Variants in ADCYAP1 observed in about 807,000 individuals in gnomAD.
ADCYAP1 encodes the protein adenylate cyclase activating polypeptide 1.
ADCYAP1 carries 6 observed loss-of-function variants against 18.5 expected under a neutral mutation model. That is an observed-to-expected ratio of 0.32 (90% CI 0.18 to 0.64). ADCYAP1 has a LOEUF of 0.64. Ranked by LOEUF, ADCYAP1 falls within the 30% of genes least tolerant of loss-of-function variation. The probability of loss-of-function intolerance (pLI) is 0.77; values close to 1 mark genes in which losing one functional copy is unlikely to be tolerated. For synonymous variants in ADCYAP1, 136 were observed against 113.9 expected (o/e 1.19, Z -1.24); for missense variants, 314 against 253.6 (o/e 1.24, Z -1.62).
At chr18:905,652 C>T (rs1216373355) in intron 2 of ADCYAP1, 156 bp downstream of exon 2, 3 of 908,916 alleles carry the variant, frequency 3.3e-6, no homozygotes, top group African/African-American at 1.7e-5. Flanking sequence ...GACAGCGGGT[C>T]CCCATTCTAG....
Position 908,383 on chromosome 18 carries a change from T to G in ADCYAP1, c.341+20T>G, listed in dbSNP as rs545768800. On this transcript the variant is annotated intron_variant, in intron 4 of 4. Coordinates refer to ENST00000450565, the MANE Select transcript of ADCYAP1 (RefSeq NM_001099733.2). ...CGTGGGGTAAGAGTTTGTGGAAGGA[T>G]TAACCTGCGCGCGCCGGGGTGGGTG... 223 of 1,601,220 alleles carry G rather than the reference T, an allele frequency of 1.4e-4. 1 individual carries two copies. The East Asian group carries it at 4.7e-3, about 34-fold the overall frequency.
At chr18:908,396 G>A (rs113464270) in intron 4 of ADCYAP1, 33 bp downstream of exon 4, 1 of 1,582,650 alleles carries the variant, frequency 6.3e-7, no homozygotes, top group Non-Finnish European at 8.6e-7. Flanking sequence ...ACCTGCGCGC[G>A]CCGGGGTGGG....
intron 2 of ADCYAP1, chr18:906,518 T>TCG (rs1474501511): frequency 6.6e-6 from 1 of 152,392 alleles, no homozygotes; most frequent in Non-Finnish European, 1.5e-5. Context: ...GCATCTGGGC[T>TCG]CGAGGCAGGG....
At chr18:905,328 A>G in intron 1 of ADCYAP1, 58 bp from the exon 2 acceptor site, 1 of 1,585,282 alleles carries the variant, frequency 6.3e-7, no homozygotes, top group Non-Finnish European at 8.6e-7. Flanking sequence ...TTGGGGTTGG[A>G]GGGTGGGAGG....
In ADCYAP1 at chr18:908,252, G is replaced by A. The variant is rs748429062; in HGVS notation, c.243-13G>A. 1 of 1,607,306 alleles carries A rather than the reference G, an allele frequency of 6.2e-7. No homozygotes were observed. The highest frequency in any genetic ancestry group is 8.5e-7 in the Non-Finnish European group (1 of 1,175,900). ...AACAGTGACCCTGGGCGCGCACTTT[G>A]CCTCCCCGTTAGAGATGTCGCCCAC... On this transcript the variant is annotated splice_polypyrimidine_tract_variant and intron_variant, in intron 3 of 4. Coordinates refer to ENST00000450565, the MANE Select transcript of ADCYAP1 (RefSeq NM_001099733.2).
Position 909,436 on chromosome 18 carries a change from T to A in ADCYAP1, c.342-10T>A. On this transcript the variant is annotated splice_polypyrimidine_tract_variant and intron_variant, in intron 4 of 4. Coordinates refer to ENST00000450565, the MANE Select transcript of ADCYAP1 (RefSeq NM_001099733.2). ...CCCCGCCACCCTCTTCCCGACCCCT[T>A]TGCTTGCAGTGGGAGCCTCGGCGGC... is the stretch of plus-strand genomic sequence containing the variant. 2 of 1,608,918 alleles carry A rather than the reference T, an allele frequency of 1.2e-6. No homozygotes were observed. The highest frequency in any genetic ancestry group is 1.1e-5 in the South Asian group (1 of 90,732).
At chr18:905,569 C>T (rs1248892989) in intron 2 of ADCYAP1, 73 bp downstream of exon 2, 4 of 1,546,482 alleles carry the variant, frequency 2.6e-6, no homozygotes. Context: ...CGGTCTCCTT[C>T]CTGCAGTCCT....
chr18:908,205 C>T, intron 3 of ADCYAP1, 60 bp from the exon 4 acceptor site: 1 of 1,489,372 alleles, frequency 6.7e-7, no homozygotes, highest in Non-Finnish European at 9.2e-7. Context: ...AAGGGGGTCT[C>T]TAGCGGCCAC....
intron 4 of ADCYAP1, 133 bp from the exon 5 acceptor site, chr18:909,313 C>T: frequency 2.4e-6 from 2 of 825,628 alleles, no homozygotes; most frequent in Non-Finnish European, 3.6e-6. Flanking sequence ...CAGAGGCGGG[C>T]GACGCGGTGG....
chr18:909,247 G>A (rs982514297), intron 4 of ADCYAP1, among the ~76,000 whole-genome samples, 199 bp from the exon 5 acceptor site: 2 of 152,226 alleles, frequency 1.3e-5, no homozygotes, highest in African/African-American at 2.4e-5. Flanking sequence ...GATCCTGCGT[G>A]GGGAGGGGGG....
chr18:909,356 C>G (rs1317222147), intron 4 of ADCYAP1, 90 bp from the exon 5 acceptor site: 1 of 1,337,938 alleles, frequency 7.5e-7, no homozygotes, highest in Admixed American at 2.5e-5. Flanking sequence ...CCCGAAGGCT[C>G]CCGCGTGGGG....
upstream of ADCYAP1, chr18:904,523 G>A (rs909344250): frequency 7.8e-7 from 1 of 1,289,134 alleles, no homozygotes; most frequent in Admixed American, 2.3e-5. Context: ...GCAGAAGGCC[G>A]GTCACCTCTG....
rs1166552601 is a variant in ADCYAP1 at position 905,035 on chromosome 18, C to G, written c.-27C>G. On this transcript the variant is annotated 5_prime_UTR_variant, in exon 1 of 5. Coordinates refer to ENST00000450565, the MANE Select transcript of ADCYAP1 (RefSeq NM_001099733.2). ...TTGCCCGCCGTCCTACCTGGCAGCTCTCCTGGCAGCGGGAGGAGTTGAAGG... is the reference window on the plus strand; with the variant it reads ...TTGCCCGCCGTCCTACCTGGCAGCTGTCCTGGCAGCGGGAGGAGTTGAAGG... 7.7e-7 allele frequency: 1 copy of G among 1,294,936 alleles called. No individual in the cohort carries two copies. The highest frequency in any genetic ancestry group is 1.3e-5 in the South Asian group (1 of 79,916). The allele number at this position is 1,294,936 out of a possible 1,614,324, so 80.2% of individuals were successfully genotyped here.
At position 907,802 on chromosome 18, in the gene ADCYAP1, G is replaced by T. The variant is rs1192660059; in HGVS notation, c.242+12G>T. On this transcript the variant is annotated intron_variant, in intron 3 of 4. Transcript: ENST00000450565. ...CCGGCCGGGAGAAGGTGAGATTCGCGCGGCCTCGCGCACACCCGCGGCTGG... is the reference window on the plus strand; with the variant it reads ...CCGGCCGGGAGAAGGTGAGATTCGCTCGGCCTCGCGCACACCCGCGGCTGG... 1 of 1,422,062 alleles carries T rather than the reference G, an allele frequency of 7.0e-7. No homozygotes were observed. Among genetic ancestry groups the T allele is most frequent in the South Asian group, 1.6e-5 (1 of 64,400 alleles). The allele number at this position is 1,422,062 out of a possible 1,614,324, so 88.1% of individuals were successfully genotyped here. A position where few individuals can be genotyped will look rare whatever the true frequency, so the allele number is the denominator to read the frequency against.
rs1189282006 is a variant in ADCYAP1, at chr18:912,170, C to T, written c.*2535C>T. The T allele has an allele frequency of 6.6e-6, 1 of 152,050 alleles. No individual in the cohort carries two copies. Among genetic ancestry groups the T allele is most frequent in the Non-Finnish European group, 1.5e-5 (1 of 68,004 alleles). 9.4% of individuals were successfully genotyped at this position (152,050 alleles called of 1,614,324 possible). A position where few individuals can be genotyped will look rare whatever the true frequency, so the allele number is the denominator to read the frequency against. Reference sequence around the variant, plus strand: ...TATGAATAAATTTTTGTAAACAATGCAACTTGGTCTAATGTTTGGGAAAAA... The same window carrying T: ...TATGAATAAATTTTTGTAAACAATGTAACTTGGTCTAATGTTTGGGAAAAA... On this transcript the variant is annotated 3_prime_UTR_variant, in exon 5 of 5. Transcript: ENST00000450565.
chr18:904,749 C>A (rs535611075), upstream of ADCYAP1: 101 of 1,254,124 alleles, frequency 8.1e-5, 1 homozygote, highest in South Asian at 1.3e-3. Flanking sequence ...GACTTACGGC[C>A]ACCTTGCTCC....
At position 904,901 on chromosome 18, in the gene ADCYAP1, A is replaced by G. The variant is rs941328086; in HGVS notation, c.-161A>G. On this transcript the variant is annotated 5_prime_UTR_variant, in exon 1 of 5. Transcript: ENST00000450565. Reference sequence around the variant, plus strand: ...ACGAGCCTCGGCAAACGAGTCCCGCAGCTCCTCCTGCTGCTCCCGCTGGTT... The same window carrying G: ...ACGAGCCTCGGCAAACGAGTCCCGCGGCTCCTCCTGCTGCTCCCGCTGGTT... The G allele has an allele frequency of 1.6e-6, 2 of 1,288,934 alleles. No individual in the cohort carries two copies. The highest frequency in any genetic ancestry group is 1.5e-5 in the African/African-American group (1 of 65,830). 79.8% of individuals were successfully genotyped at this position (1,288,934 alleles called of 1,614,324 possible).
chr18:905,840 G>T, intron 2 of ADCYAP1: 1 of 335,332 alleles, frequency 3.0e-6, no homozygotes, highest in Non-Finnish European at 5.5e-6. Flanking sequence ...CTATTCTTGG[G>T]ACGAGTTAGG....
At position 908,052 on chromosome 18, in the gene ADCYAP1, C is replaced by T. The variant is rs1227761135; in HGVS notation, c.243-213C>T. On this transcript the variant is annotated intron_variant, in intron 3 of 4. Coordinates refer to ENST00000450565, the MANE Select transcript of ADCYAP1 (RefSeq NM_001099733.2). ...GAGTGGCGTCAAGGAACCCACACTC[C>T]GCATCTGCCACTCCTAGAGCCGGGA... The T allele has an allele frequency of 2.0e-4, 140 of 689,212 alleles. 1 individual carries two copies. The highest frequency in any genetic ancestry group is 1.6e-5 in the Non-Finnish European group (7 of 429,488). 42.7% of individuals were successfully genotyped at this position (689,212 alleles called of 1,614,324 possible).
Sources: gnomAD v4.1 joint callset for allele counts (sites outside exome capture counted in the v4.1 genomes callset) on GRCh38, gnomAD v4.1.1 for gene constraint, MANE v1.5 for transcripts, NCBI Gene and HGNC (gene_info 2026-07-23, HGNC 2026-07-21) for gene names.